Variants in STK3 observed in about 807,000 individuals in gnomAD.
STK3 encodes serine/threonine kinase 3.
Under a neutral mutation model 58.0 loss-of-function variants are expected in STK3, and 41 were observed. That is an observed-to-expected ratio of 0.71 (90% confidence interval 0.55 to 0.92). The LOEUF is 0.92. Ranked by LOEUF, STK3 falls within the 40% of genes least tolerant of loss-of-function variation. STK3 has a pLI of 0.00. For synonymous variants in STK3, 170 were observed against 191.0 expected (o/e 0.89, Z 0.91); for missense variants, 479 against 602.7 (o/e 0.79, Z 2.15).
At chr8:98,417,101 C>A (rs556073143) in intron 3 of STK3, among the ~76,000 whole-genome samples, 1 of 152,302 alleles carries the variant, frequency 6.6e-6, no homozygotes, top group Admixed American at 6.5e-5. Context: ...CAGAGCAGAG[C>A]TGAGTGCTGG....
intron 6 of STK3, among the ~76,000 whole-genome samples, chr8:98,652,382 G>A (rs7814522): frequency 0.015 from 2,353 of 152,188 alleles, 72 homozygotes; most frequent in African/African-American, 0.054. Context: ...AAATCATGCC[G>A]AATTGTAAAG....
intron 3 of STK3, among the ~76,000 whole-genome samples, chr8:98,855,963 C>G (rs1469245610): frequency 6.6e-6 from 1 of 152,010 alleles, no homozygotes; most frequent in African/African-American, 2.4e-5. Context: ...TCGAGACCAG[C>G]CTGGCCAACG....
intron 3 of STK3, among the ~76,000 whole-genome samples, chr8:98,410,615 A>G (rs1818043600): frequency 6.6e-6 from 1 of 152,240 alleles, no homozygotes; most frequent in Non-Finnish European, 1.5e-5. Context: ...GATATGGTTG[A>G]TAGAACACTG....
chr8:98,666,542 T>C (rs2130816053), intron 6 of STK3, among the ~76,000 whole-genome samples: 1 of 152,206 alleles, frequency 6.6e-6, no homozygotes, highest in East Asian at 1.9e-4. Context: ...CAAATGTAAA[T>C]AAAACAAAGA....
rs527373153 is a variant in STK3 at position 98,682,188 on chromosome 8, T to C, written c.684+24279A>G. 6.6e-5 allele frequency among the ~76,000 whole-genome samples: 10 copies of C among 152,332 alleles called. No individual in the cohort carries two copies. The South Asian group carries it at 2.1e-3, about 32-fold the overall frequency. On this transcript the variant is annotated intron_variant, in intron 6 of 10. Transcript: ENST00000419617. ...TTAGATCATATAACCCTGGGAAAAC[T>C]ATTGCAGCTTAAATCTGTGTATTTC...
chr8:98,370,511 C>T (rs183590270), downstream of STK3, among the ~76,000 whole-genome samples: 68 of 152,198 alleles, frequency 4.5e-4, no homozygotes, highest in East Asian at 0.013. Flanking sequence ...CTAGAGAGGA[C>T]TGGGTGGTAG....
intron 8 of STK3, among the ~76,000 whole-genome samples, chr8:98,568,525 C>T (rs1464657509): frequency 6.6e-6 from 1 of 152,178 alleles, no homozygotes; most frequent in Non-Finnish European, 1.5e-5. Flanking sequence ...ACACACAGAG[C>T]TGCCAGAGGT....
intron 1 of STK3, among the ~76,000 whole-genome samples, chr8:98,895,430 G>A (rs1239674780): frequency 6.6e-6 from 1 of 152,138 alleles, no homozygotes; most frequent in Non-Finnish European, 1.5e-5. Context: ...CCTCCAGTAT[G>A]GAGAGGAAGT....
intron 10 of STK3, among the ~76,000 whole-genome samples, chr8:98,459,913 A>T (rs1334160646): frequency 1.3e-5 from 2 of 152,226 alleles, no homozygotes; most frequent in Non-Finnish European, 2.9e-5. Context: ...GAGCCCTCAA[A>T]GAGAACTTCT....
chr8:98,743,315 T>C (rs148004457), intron 4 of STK3, among the ~76,000 whole-genome samples: 17 of 149,386 alleles, frequency 1.1e-4, no homozygotes, highest in African/African-American at 2.9e-4. Flanking sequence ...GGAGGCATCA[T>C]ACTACCTGAC....
intron 3 of STK3, chr8:98,431,733 T>C (rs1387494284): frequency 1.8e-5 from 3 of 167,140 alleles, no homozygotes; most frequent in African/African-American, 7.2e-5. Flanking sequence ...CCTTTGCAGA[T>C]GTGAAAGCTG....
intron 1 of STK3, among the ~76,000 whole-genome samples, chr8:98,914,200 T>A (rs1477492874): frequency 6.6e-6 from 1 of 151,820 alleles, no homozygotes; most frequent in Non-Finnish European, 1.5e-5. Context: ...ACCTGTAACC[T>A]CAACACTTTG....
chr8:98,432,539 C>T (rs901818749), intron 3 of STK3: 11 of 167,012 alleles, frequency 6.6e-5, no homozygotes, highest in Admixed American at 3.3e-4. Flanking sequence ...ATTTGTAGCT[C>T]GTAAGGTAGT....
At chr8:98,591,475 A>T (rs1815309158) in intron 7 of STK3, among the ~76,000 whole-genome samples, 1 of 152,214 alleles carries the variant, frequency 6.6e-6, no homozygotes, top group South Asian at 2.1e-4. Flanking sequence ...TTGTAAGTTA[A>T]GGAGCACTTG....
At chr8:98,727,690 T>G (rs1307717982) in intron 4 of STK3, among the ~76,000 whole-genome samples, 1 of 152,184 alleles carries the variant, frequency 6.6e-6, no homozygotes, top group Non-Finnish European at 1.5e-5. Context: ...ATACAATAAT[T>G]GGCGGAAAGA....
chr8:98,622,066 C>T (rs968150214), intron 6 of STK3, among the ~76,000 whole-genome samples: 2 of 145,608 alleles, frequency 1.4e-5, no homozygotes, highest in Non-Finnish European at 1.5e-5. Context: ...GAGTTCAAGA[C>T]CAGCTTGGCC....
chr8:98,811,055 T>C (rs1834188026), intron 1 of STK3, among the ~76,000 whole-genome samples: 1 of 152,142 alleles, frequency 6.6e-6, no homozygotes, highest in Non-Finnish European at 1.5e-5. Context: ...GCCAAGTAAA[T>C]CTTTCTTCAT....
the STK3 span, among the ~76,000 whole-genome samples, chr8:98,347,926 T>C: frequency 6.6e-6 from 1 of 152,168 alleles, no homozygotes; most frequent in Non-Finnish European, 1.5e-5. Flanking sequence ...CTAAAGTTTA[T>C]ATGGAGAGGC....
intron 6 of STK3, among the ~76,000 whole-genome samples, chr8:98,612,079 AAT>A (rs1817241952): frequency 6.7e-6 from 1 of 149,400 alleles, no homozygotes; most frequent in Non-Finnish European, 1.5e-5. Flanking sequence ...CATTTATATA[AAT>A]ATATATGTGT....
Sources: gnomAD v4.1 joint callset for allele counts (sites outside exome capture counted in the v4.1 genomes callset) on GRCh38, gnomAD v4.1.1 for gene constraint, MANE v1.5 for transcripts, NCBI Gene and HGNC (gene_info 2026-07-23, HGNC 2026-07-21) for gene names.